The following RERE variants were observed in gnomAD, a reference collection of about 807,000 sequenced individuals.
RERE encodes arginine-glutamic acid dipeptide repeats, also known as arginine-glutamic acid dipeptide repeats protein.
In RERE, 40 loss-of-function variants were observed where a neutral mutation model predicts 146.1. The observed-to-expected ratio is 0.27, with a 90% confidence interval of 0.21 to 0.36. The LOEUF (loss-of-function observed/expected upper bound fraction) is 0.36. RERE is among the 10% of genes least tolerant of loss of function. The probability of loss-of-function intolerance (pLI) is 1.00; values close to 1 mark genes in which losing one functional copy is unlikely to be tolerated. For synonymous variants in RERE, 1,003 were observed against 866.0 expected, an observed-to-expected ratio of 1.16 and a Z score of -2.78; for missense variants, 1,933 against 2,138.7, an observed-to-expected ratio of 0.90 and a Z score of 1.90.
At chr1:8,500,313 G>C (rs1645113353) in intron 8 of RERE, among the ~76,000 whole-genome samples, 1 of 152,118 alleles carries the variant, frequency 6.6e-6, no homozygotes, top group Admixed American at 6.5e-5. Context: ...CCCCATTCTT[G>C]AGAAAAATGG....
At chr1:8,388,480 C>T (rs942239601) in intron 12 of RERE, among the ~76,000 whole-genome samples, 6 of 152,102 alleles carry the variant, frequency 3.9e-5, no homozygotes, top group Admixed American at 6.5e-5. Flanking sequence ...CCACCGCGCC[C>T]GGCTAATTTT....
intron 4 of RERE, among the ~76,000 whole-genome samples, chr1:8,586,110 T>C (rs1412037787): frequency 6.6e-6 from 1 of 152,138 alleles, no homozygotes; most frequent in African/African-American, 2.4e-5. Flanking sequence ...AAAATCCAGA[T>C]TGCAGTAGAT....
intron 4 of RERE, among the ~76,000 whole-genome samples, chr1:8,564,418 A>C (rs1646115328): frequency 6.6e-6 from 1 of 152,208 alleles, no homozygotes; most frequent in Non-Finnish European, 1.5e-5. Context: ...AAAACATTTT[A>C]ATAATATATG....
rs144900517 is a variant in RERE at position 8,411,930 on chromosome 1, C to G, written c.1284+10797G>C. 2.8e-3 allele frequency among the ~76,000 whole-genome samples: 431 copies of G among 152,210 alleles called. 3 individuals carry two copies. Among genetic ancestry groups the G allele is most frequent in the African/African-American group, 9.9e-3 (412 of 41,514 alleles). On this transcript the variant is annotated intron_variant, in intron 12 of 22. Coordinates refer to ENST00000400908, the MANE Select transcript of RERE (RefSeq NM_001042681.2). ...CCTATTGTTCCACAAATTACAGATTCTCGCCAAATGAAAACACCTCCCTCG... is the reference window on the plus strand; with the variant it reads ...CCTATTGTTCCACAAATTACAGATTGTCGCCAAATGAAAACACCTCCCTCG...
At chr1:8,691,467 A>T (rs1265630542) in intron 1 of RERE, among the ~76,000 whole-genome samples, 2 of 152,202 alleles carry the variant, frequency 1.3e-5, no homozygotes, top group African/African-American at 2.4e-5. Flanking sequence ...ATATAAGTAA[A>T]GCAAACCTGC....
intron 12 of RERE, among the ~76,000 whole-genome samples, chr1:8,400,488 G>A (rs1261794639): frequency 6.6e-6 from 1 of 152,104 alleles, no homozygotes. Flanking sequence ...TTGGCCTCAA[G>A]TGATCCTCCC....
At position 8,358,698 on chromosome 1, in the gene RERE, G is replaced by C; in HGVS notation, c.3837C>G (p.Asn1279Lys). The change falls in exon 20 of 23, where the codon AAC (asparagine) becomes AAG (lysine). Residue 1279 changes from asparagine to lysine, a missense_variant. Transcript: ENST00000400908. ...GGTAGGCCAGCAGGGGGTCCGTGGG[G>C]TTAAGGGGCATGTAGAAGGGGTGGT... The part of the protein sequence containing the change: ...NRNHPFYMPL[N>K]PTDPLLAYHM... The C allele has an allele frequency of 6.3e-7, 1 of 1,597,288 alleles. No individual in the cohort carries two copies. The highest frequency in any genetic ancestry group is 8.5e-7 in the Non-Finnish European group (1 of 1,170,484).
intron 11 of RERE, among the ~76,000 whole-genome samples, chr1:8,441,105 G>A (rs894565164): frequency 3.3e-5 from 5 of 151,934 alleles, no homozygotes; most frequent in Non-Finnish European, 7.4e-5. Flanking sequence ...AATTTCCAGT[G>A]CAATATGCAG....
At chr1:8,452,112 A>G (rs959203654) in intron 11 of RERE, among the ~76,000 whole-genome samples, 2 of 151,952 alleles carry the variant, frequency 1.3e-5, no homozygotes, top group South Asian at 2.1e-4. Flanking sequence ...ACCTCTGTCA[A>G]CTCTGCCCGG....
At chr1:8,512,577 C>T (rs999494695) in intron 7 of RERE, 1 of 152,692 alleles carries the variant, frequency 6.5e-6, no homozygotes, top group Non-Finnish European at 1.5e-5. Flanking sequence ...CAACCTCCAG[C>T]ACCCTTCTTC....
chr1:8,532,385 G>A (rs1645666881), intron 7 of RERE, among the ~76,000 whole-genome samples: 1 of 138,284 alleles, frequency 7.2e-6, no homozygotes, highest in Admixed American at 8.2e-5. Context: ...TGTAAAGCAT[G>A]AGTCTGATTC....
chr1:8,655,288 C>A (rs982665530), intron 2 of RERE, among the ~76,000 whole-genome samples: 6 of 151,354 alleles, frequency 4.0e-5, no homozygotes, highest in Non-Finnish European at 8.8e-5. Context: ...CTGACTGCAA[C>A]CTCCACCTCC....
chr1:8,528,083 A>G (rs1296432303), intron 7 of RERE, among the ~76,000 whole-genome samples: 1 of 152,232 alleles, frequency 6.6e-6, no homozygotes, highest in Non-Finnish European at 1.5e-5. Context: ...AAAGAACTCT[A>G]TCTGAAGCAG....
At chr1:8,758,552 TA>T (rs1322939512) in intron 1 of RERE, among the ~76,000 whole-genome samples, 1 of 151,946 alleles carries the variant, frequency 6.6e-6, no homozygotes, top group Admixed American at 6.6e-5. Context: ...CCACCACACC[TA>T]GCTAACTTTT....
At chr1:8,812,835 T>G (rs1254533013) in intron 1 of RERE, among the ~76,000 whole-genome samples, 1 of 152,136 alleles carries the variant, frequency 6.6e-6, no homozygotes, top group Non-Finnish European at 1.5e-5. Flanking sequence ...CTAGTAAATA[T>G]ATTTAGTATT....
chr1:8,761,864 G>A (rs1278271953), intron 1 of RERE, among the ~76,000 whole-genome samples: 1 of 152,134 alleles, frequency 6.6e-6, no homozygotes, highest in Admixed American at 6.5e-5. Flanking sequence ...GGAGGTTGCA[G>A]TGAGCCAAGA....
intron 1 of RERE, among the ~76,000 whole-genome samples, chr1:8,668,690 GAA>G (rs1167924896): frequency 1.3e-5 from 2 of 152,174 alleles, no homozygotes; most frequent in East Asian, 3.8e-4. Flanking sequence ...TATGCTAAAT[GAA>G]AAGAGCCAGT....
intron 3 of RERE, among the ~76,000 whole-genome samples, chr1:8,615,709 A>T (rs1646844874): frequency 6.6e-6 from 1 of 152,244 alleles, no homozygotes; most frequent in South Asian, 2.1e-4. Context: ...AAGAGCAATT[A>T]ACAACTTTCT....
chr1:8,382,416 G>A (rs1642488661), intron 12 of RERE, among the ~76,000 whole-genome samples: 1 of 152,292 alleles, frequency 6.6e-6, no homozygotes. Context: ...TCAATTCGCA[G>A]CTTAGGCTTT....
Sources: gnomAD v4.1 joint callset for allele counts (sites outside exome capture counted in the v4.1 genomes callset) on GRCh38, gnomAD v4.1.1 for gene constraint, MANE v1.5 for transcripts, NCBI Gene and HGNC (gene_info 2026-07-23, HGNC 2026-07-21) for gene names.